SLC24A3: variants seen among roughly 807,000 people sequenced by gnomAD.
SLC24A3 encodes solute carrier family 24 member 3.
Under a neutral mutation model 75.8 loss-of-function variants are expected in SLC24A3, and 28 were observed. That is an observed-to-expected ratio of 0.37 (90% CI 0.27 to 0.51). The LOEUF is 0.51. Ranked by LOEUF, SLC24A3 falls within the 20% of genes least tolerant of loss-of-function variation. The pLI is 0.94. For synonymous variants in SLC24A3, 372 were observed against 334.1 expected (o/e 1.11, Z -1.24); for missense variants, 663 against 847.8 (o/e 0.78, Z 2.71).
In SLC24A3 at chr20:19,684,300, C is replaced by A; in HGVS notation, c.1026C>A (p.Thr342=). 1 of 1,614,100 alleles carries A rather than the reference C, an allele frequency of 6.2e-7. No homozygotes were observed. Residue 342 remains threonine, a synonymous_variant, in exon 11 of 17, where the codon ACC becomes ACA. Transcript: ENST00000328041. ...IMITSHFPPK[T]RLSMASRMLI... Reference sequence around the variant, plus strand: ...TAACCAGCCACTTTCCCCCCAAGACCCGGCTCTCCATGGCCAGTCGCATGT... The same window carrying A: ...TAACCAGCCACTTTCCCCCCAAGACACGGCTCTCCATGGCCAGTCGCATGT...
intron 2 of SLC24A3, among the ~76,000 whole-genome samples, chr20:19,512,428 C>A (rs1049562525): frequency 5.9e-5 from 9 of 152,168 alleles, no homozygotes; most frequent in African/African-American, 2.2e-4. Flanking sequence ...AGTGTGTCTT[C>A]CCCAGGGGTC....
chr20:19,503,955 C>A (rs1187769164), intron 2 of SLC24A3, among the ~76,000 whole-genome samples: 1 of 152,132 alleles, frequency 6.6e-6, no homozygotes, highest in African/African-American at 2.4e-5. Flanking sequence ...CCAAGGAGTG[C>A]CAGTTATTCT....
At chr20:19,572,510 A>T (rs1010864343) in intron 3 of SLC24A3, among the ~76,000 whole-genome samples, 1 of 152,154 alleles carries the variant, frequency 6.6e-6, no homozygotes, top group Non-Finnish European at 1.5e-5. Context: ...GAGGGCTCCC[A>T]TGGGTGTTAA....
At chr20:19,699,631 T>A (rs539109208) in intron 15 of SLC24A3, among the ~76,000 whole-genome samples, 18 of 152,346 alleles carry the variant, frequency 1.2e-4, no homozygotes, top group African/African-American at 4.1e-4. Context: ...ACAGATTACA[T>A]TCATGGCTAA....
chr20:19,677,065 G>A (rs1326017597), intron 9 of SLC24A3, among the ~76,000 whole-genome samples: 2 of 152,132 alleles, frequency 1.3e-5, no homozygotes, highest in Admixed American at 1.3e-4. Context: ...AGTTTAACCT[G>A]GTATCCAGTT....
At chr20:19,553,623 T>G (rs1272717772) in intron 3 of SLC24A3, among the ~76,000 whole-genome samples, 1 of 152,140 alleles carries the variant, frequency 6.6e-6, no homozygotes, top group African/African-American at 2.4e-5. Context: ...TGTGTAAAAC[T>G]AATGCTGACA....
rs1986964945 is a variant in SLC24A3 at position 19,424,436 on chromosome 20, T to A, written c.272-91052T>A. Among the ~76,000 whole-genome samples the A allele has an allele frequency of 2.6e-5, 4 of 152,176 alleles. No individual in the cohort carries two copies. The South Asian group carries it at 8.3e-4, about 31-fold the overall frequency. On this transcript the variant is annotated intron_variant, in intron 2 of 16. Transcript: ENST00000328041. ...CGGGTGCAGTGGCTCATGCCAGTAA[T>A]CCCAGCATTTTGGGAGGCTGAGGCG... is the stretch of plus-strand genomic sequence containing the variant.
At chr20:19,690,281 T>C (rs909568048) in intron 12 of SLC24A3, among the ~76,000 whole-genome samples, 2 of 152,210 alleles carry the variant, frequency 1.3e-5, no homozygotes, top group South Asian at 4.1e-4. Context: ...CCAGATATAA[T>C]GCCCTCCCAG....
chr20:19,562,589 G>T (rs569861849), intron 3 of SLC24A3, among the ~76,000 whole-genome samples: 2 of 152,328 alleles, frequency 1.3e-5, no homozygotes, highest in Admixed American at 6.5e-5. Context: ...TCATTGAAGC[G>T]TGAAGTTGAA....
chr20:19,437,951 C>T (rs981287922), intron 2 of SLC24A3, among the ~76,000 whole-genome samples: 8 of 152,152 alleles, frequency 5.3e-5, no homozygotes, highest in African/African-American at 1.9e-4. Flanking sequence ...GTTATAGGGC[C>T]TGCTGCATTT....
intron 12 of SLC24A3, among the ~76,000 whole-genome samples, chr20:19,686,933 C>T (rs1228628953): frequency 6.6e-6 from 1 of 152,358 alleles, no homozygotes; most frequent in African/African-American, 2.4e-5. Flanking sequence ...TTCTTGGCAA[C>T]CTTTCCTATC....
chr20:19,262,797 G>T (rs547992938), intron 1 of SLC24A3, among the ~76,000 whole-genome samples: 8 of 152,254 alleles, frequency 5.3e-5, no homozygotes, highest in East Asian at 1.9e-4. Flanking sequence ...TTGCTCTTAC[G>T]ATTATTTCTG....
At chr20:19,356,504 C>T (rs530652298) in intron 2 of SLC24A3, among the ~76,000 whole-genome samples, 25 of 152,260 alleles carry the variant, frequency 1.6e-4, no homozygotes, top group African/African-American at 5.8e-4. Flanking sequence ...TTATCTGTGT[C>T]GCTGTATGGG....
intron 3 of SLC24A3, among the ~76,000 whole-genome samples, chr20:19,541,817 T>A (rs2030503895): frequency 6.6e-6 from 1 of 152,206 alleles, no homozygotes; most frequent in Non-Finnish European, 1.5e-5. Flanking sequence ...CGGCTATGGG[T>A]CCATCTCTCC....
chr20:19,674,826 G>A (rs2032505820), intron 9 of SLC24A3, among the ~76,000 whole-genome samples: 1 of 152,174 alleles, frequency 6.6e-6, no homozygotes, highest in Non-Finnish European at 1.5e-5. Context: ...GCCAAGGTGA[G>A]TGGATCACTT....
At chr20:19,490,757 A>G (rs935423988) in intron 2 of SLC24A3, among the ~76,000 whole-genome samples, 2 of 152,152 alleles carry the variant, frequency 1.3e-5, no homozygotes, top group African/African-American at 4.8e-5. Flanking sequence ...CACACATACA[A>G]AATCCTGGAG....
chr20:19,683,996 G>A (rs2032643442), intron 10 of SLC24A3, among the ~76,000 whole-genome samples, 180 bp from the exon 11 acceptor site: 1 of 152,060 alleles, frequency 6.6e-6, no homozygotes, highest in African/African-American at 2.4e-5. Flanking sequence ...ATGAATGCAT[G>A]GATGGGTGGA....
chr20:19,309,950 A>C (rs982841838), intron 2 of SLC24A3, among the ~76,000 whole-genome samples: 4 of 151,582 alleles, frequency 2.6e-5, no homozygotes, highest in Admixed American at 2.0e-4. Context: ...AAAGCATCAC[A>C]CTCTTCCTGC....
intron 1 of SLC24A3, among the ~76,000 whole-genome samples, chr20:19,274,543 G>A (rs987805849): frequency 6.6e-6 from 1 of 152,160 alleles, no homozygotes; most frequent in East Asian, 1.9e-4. Context: ...CTCCTTTTGG[G>A]GGCTGCAACC....
Sources: allele counts gnomAD v4.1 joint callset (sites outside exome capture counted in the v4.1 genomes callset), GRCh38; gene constraint gnomAD v4.1.1; transcripts MANE v1.5; gene names NCBI Gene and HGNC (gene_info 2026-07-23, HGNC 2026-07-21).